GRIK2: variants seen among roughly 807,000 people sequenced by gnomAD.
GRIK2 encodes glutamate receptor ionotropic, kainate 2.
In GRIK2, 32 loss-of-function variants were observed where a neutral mutation model predicts 100.3. That is an observed-to-expected ratio of 0.32 (90% CI 0.24 to 0.43). The LOEUF (loss-of-function observed/expected upper bound fraction) is 0.43, where lower values mean the gene tolerates loss of function less well. GRIK2 is among the 20% of genes least tolerant of loss of function. The probability of loss-of-function intolerance (pLI) is 1.00; values close to 1 mark genes in which losing one functional copy is unlikely to be tolerated. For synonymous variants in GRIK2, 417 were observed against 389.4 expected, an observed-to-expected ratio of 1.07 and a Z score of -0.83; for missense variants, 843 against 1,114.9, an observed-to-expected ratio of 0.76 and a Z score of 3.47.
intron 7 of GRIK2, among the ~76,000 whole-genome samples, chr6:101,765,364 A>G (rs1409467900): frequency 1.3e-5 from 2 of 152,134 alleles, no homozygotes; most frequent in African/African-American, 2.4e-5. Context: ...TGAGTACTGA[A>G]TGCGTGTGTG....
Position 101,926,219 on chromosome 6 carries a change from T to C in GRIK2, c.1867+1500T>C, listed in dbSNP as rs530021136. Among the ~76,000 whole-genome samples the C allele has an allele frequency of 1.4e-3, 201 of 140,638 alleles. 1 individual carries two copies. Among genetic ancestry groups the C allele is most frequent in the East Asian group, 1.4e-3 (7 of 5,064 alleles). 92.3% of individuals were successfully genotyped at this position (140,638 alleles called of 152,430 possible). A position where few individuals can be genotyped will look rare whatever the true frequency, so the allele number is the denominator to read the frequency against. Reference sequence around the variant, plus strand: ...GGTTTTTTTTTTTTTTTTTTTTTTTTCCCTTAGGCTTACTCTACCCTTAGA... The same window carrying C: ...GGTTTTTTTTTTTTTTTTTTTTTTTCCCCTTAGGCTTACTCTACCCTTAGA... On this transcript the variant is annotated intron_variant, in intron 13 of 16. Transcript: ENST00000369134.
intron 12 of GRIK2, among the ~76,000 whole-genome samples, chr6:101,915,466 T>C (rs1243936681): frequency 6.6e-6 from 1 of 151,514 alleles, no homozygotes; most frequent in African/African-American, 2.4e-5. Context: ...TCACACAGTT[T>C]CACAGGATAA....
chr6:102,050,354 G>A (rs963309231), intron 15 of GRIK2, among the ~76,000 whole-genome samples: 9 of 151,548 alleles, frequency 5.9e-5, no homozygotes, highest in East Asian at 2.0e-4. Flanking sequence ...GAAGGGGAAG[G>A]GAACAAAAGA....
intron 7 of GRIK2, among the ~76,000 whole-genome samples, chr6:101,719,957 G>C (rs1774359609): frequency 6.6e-6 from 1 of 151,822 alleles, no homozygotes; most frequent in Non-Finnish European, 1.5e-5. Context: ...AGATGAGAGA[G>C]AAAGAGAAAA....
At chr6:101,849,835 T>TCC (rs1784028781) in intron 10 of GRIK2, among the ~76,000 whole-genome samples, 1 of 94,798 alleles carries the variant, frequency 1.1e-5, no homozygotes, top group Non-Finnish European at 2.3e-5. Flanking sequence ...TTTTTTTTTT[T>TCC]TTTTGGTCAA....
At chr6:101,686,112 A>G (rs1582958558) in intron 6 of GRIK2, 68 bp from the exon 7 acceptor site, 3 of 1,324,888 alleles carry the variant, frequency 2.3e-6, no homozygotes, top group South Asian at 1.4e-5. Context: ...AAAAGTGACT[A>G]TTTCAGTAAT....
At chr6:101,933,699 T>A (rs1790433947) in intron 14 of GRIK2, among the ~76,000 whole-genome samples, 1 of 151,920 alleles carries the variant, frequency 6.6e-6, no homozygotes, top group South Asian at 2.1e-4. Context: ...GCACAATGAA[T>A]TTTACATTTA....
At chr6:101,797,113 G>C (rs753994105) in intron 7 of GRIK2, among the ~76,000 whole-genome samples, 20 of 151,872 alleles carry the variant, frequency 1.3e-4, no homozygotes, top group Non-Finnish European at 2.1e-4. Context: ...TGAAAACTTG[G>C]AATTAGAAAT....
intron 14 of GRIK2, among the ~76,000 whole-genome samples, chr6:101,990,106 C>A (rs7745212): frequency 0.11 from 17,047 of 151,312 alleles, 2,689 homozygotes; most frequent in African/African-American, 0.35. Flanking sequence ...TCTGTGTGGC[C>A]CCTAACATTT....
chr6:101,851,550 T>C (rs560613681), intron 10 of GRIK2, among the ~76,000 whole-genome samples: 1 of 152,190 alleles, frequency 6.6e-6, no homozygotes, highest in South Asian at 2.1e-4. Context: ...TGTTGCTACC[T>C]AAATCTGATT....
intron 2 of GRIK2, among the ~76,000 whole-genome samples, chr6:101,408,589 A>G (rs1361426509): frequency 6.6e-6 from 1 of 152,126 alleles, no homozygotes; most frequent in Admixed American, 6.6e-5. Flanking sequence ...GAAGAAAAAA[A>G]GAAAAAGAAA....
intron 5 of GRIK2, among the ~76,000 whole-genome samples, chr6:101,678,722 T>A (rs866875061): frequency 1.3e-5 from 2 of 152,320 alleles, no homozygotes; most frequent in Middle Eastern, 3.4e-3. Flanking sequence ...GTATAGGAGT[T>A]GAAGAGCAAA....
chr6:101,549,803 A>G (rs1247144714), intron 2 of GRIK2, among the ~76,000 whole-genome samples: 7 of 152,182 alleles, frequency 4.6e-5, no homozygotes, highest in African/African-American at 1.4e-4. Flanking sequence ...AGTGCTTTAC[A>G]TAGTTTGGTG....
intron 2 of GRIK2, among the ~76,000 whole-genome samples, chr6:101,473,700 T>C (rs1772072523): frequency 6.6e-6 from 1 of 151,820 alleles, no homozygotes; most frequent in South Asian, 2.1e-4. Context: ...TATGGGACTG[T>C]TTTTGCCCAT....
intron 2 of GRIK2, among the ~76,000 whole-genome samples, chr6:101,442,083 T>C (rs992010897): frequency 7.2e-5 from 11 of 151,982 alleles, no homozygotes; most frequent in African/African-American, 2.4e-4. Context: ...GATTGAGATT[T>C]GAAGGTTTGC....
At chr6:101,823,094 A>G (rs1782061292) in intron 10 of GRIK2, among the ~76,000 whole-genome samples, 1 of 152,086 alleles carries the variant, frequency 6.6e-6, no homozygotes, top group Admixed American at 6.6e-5. Context: ...TTGCGTGAAT[A>G]TGTTGGGTTT....
intron 14 of GRIK2, among the ~76,000 whole-genome samples, chr6:101,990,664 G>A (rs769862686): frequency 1.3e-5 from 2 of 151,580 alleles, no homozygotes; most frequent in Non-Finnish European, 3.0e-5. Context: ...ATTAAGGGAA[G>A]TGAAAGGGAG....
intron 10 of GRIK2, among the ~76,000 whole-genome samples, chr6:101,830,585 A>G (rs1486131897): frequency 6.6e-6 from 1 of 152,094 alleles, no homozygotes; most frequent in African/African-American, 2.4e-5. Flanking sequence ...GAAGACATAC[A>G]AGAAGCCAAC....
chr6:102,016,264 C>T (rs573901579), intron 14 of GRIK2, among the ~76,000 whole-genome samples: 55 of 152,068 alleles, frequency 3.6e-4, no homozygotes, highest in South Asian at 2.3e-3. Flanking sequence ...ATTATAGATG[C>T]GGACAGATAA....
Sources: gnomAD v4.1 joint callset for allele counts (sites outside exome capture counted in the v4.1 genomes callset) on GRCh38, gnomAD v4.1.1 for gene constraint, MANE v1.5 for transcripts, NCBI Gene and HGNC (gene_info 2026-07-23, HGNC 2026-07-21) for gene names.